ATG9B: variants seen among roughly 807,000 people sequenced by gnomAD.
ATG9B encodes the protein autophagy-related protein 9B.
ATG9B carries 92 observed loss-of-function variants against 92.9 expected under a neutral mutation model. The observed-to-expected ratio is 0.99, with a 90% CI of 0.84 to 1.18. The LOEUF is 1.18. Among genes scored for constraint, ATG9B ranks in the 50% most tolerant of loss-of-function variants. The pLI is 0.00. For synonymous variants in ATG9B, 599 were observed against 551.4 expected, an observed-to-expected ratio of 1.09 and a Z score of -1.21; for missense variants, 1,344 against 1,235.0, an observed-to-expected ratio of 1.09 and a Z score of -1.32.
intron 4 of ATG9B, 140 bp from the exon 5 acceptor site, chr7:151,021,469 A>T: frequency 8.4e-7 from 1 of 1,187,888 alleles, no homozygotes; most frequent in Non-Finnish European, 1.1e-6. Flanking sequence ...AGCCCGGGGC[A>T]GGGGGTGGGT....
downstream of ATG9B, chr7:151,014,411 C>T (rs957273758): frequency 4.0e-6 from 2 of 494,754 alleles, no homozygotes; most frequent in African/African-American, 2.0e-5. Context: ...AGCGGTACCC[C>T]AGGGCCTACT....
At chr7:151,014,976 G>A (rs1795421712), downstream of ATG9B, 2 of 152,298 alleles carry the variant, frequency 1.3e-5, no homozygotes, top group African/African-American at 4.8e-5. Context: ...GGTGGGGAAA[G>A]GGGTCATTCT....
chr7:151,023,143 G>A lies in ATG9B; in HGVS notation c.723C>T (p.Leu241=). The change falls in exon 4 of 14, where the codon CTC becomes CTT. Residue 241 remains leucine (L), a synonymous_variant. Transcript: ENST00000639579. ...FLLRCVDYNV[L]FANQPSNHTR... is the part of the protein sequence containing the mutation. ...TATGGTTACTTGGTTGGTTGGCAAA[G>A]AGAACATTGTAATCCACGCATCGAA... 6.2e-7 allele frequency: 1 copy of A among 1,614,172 alleles called. No individual in the cohort carries two copies. Among genetic ancestry groups the A allele is most frequent in the Non-Finnish European group, 8.5e-7 (1 of 1,180,040 alleles).
chr7:151,016,650 C>A (rs371008225), intron 10 of ATG9B, 38 bp downstream of exon 10: 14 of 1,549,846 alleles, frequency 9.0e-6, no homozygotes, highest in African/African-American at 1.4e-5. Context: ...AGCCCACCCC[C>A]CTCCACATGC....
rs36096005 is a variant in ATG9B at position 151,021,652 on chromosome 7, CTTTT to C, written c.822-327_822-324del. On this transcript the variant is annotated intron_variant, in intron 4 of 13. Transcript: ENST00000639579. ...CTGATGAAATGTGTGCTTGTACACT[CTTTT>C]TTTTTTTTTTTGAGATGGAGTCTTG... Among the ~76,000 whole-genome samples the C allele has an allele frequency of 2.2e-4, 31 of 142,184 alleles. No individual in the cohort carries two copies. In the South Asian group the frequency reaches 4.3e-3, roughly 20 times the overall value. The allele number at this position is 142,184 out of a possible 152,430, so 93.3% of individuals were successfully genotyped here. A position where few individuals can be genotyped will look rare whatever the true frequency, so the allele number is the denominator to read the frequency against.
chr7:151,022,788 A>G (rs1795798748), intron 4 of ATG9B, among the ~76,000 whole-genome samples: 1 of 151,690 alleles, frequency 6.6e-6, no homozygotes, highest in Non-Finnish European at 1.5e-5. Flanking sequence ...GTGAGCCAAG[A>G]CCTCACCATT....
rs770189330 is a variant in ATG9B at position 151,024,400 on chromosome 7, C to A, written c.24G>T (p.Gly8=). The A allele has an allele frequency of 1.5e-6, 2 of 1,374,422 alleles. No individual in the cohort carries two copies. The highest frequency in any genetic ancestry group is 3.0e-5 in the Admixed American group (1 of 33,770). 85.1% of individuals were successfully genotyped at this position (1,374,422 alleles called of 1,614,324 possible). ...ACCGCCCCAGCCGCCTTCTTCTCCCCCCCCAGCCCATTCGGCTCACCATCA... is the reference window on the plus strand; with the variant it reads ...ACCGCCCCAGCCGCCTTCTTCTCCCACCCCAGCCCATTCGGCTCACCATCA... MVSRMGW[G]GRRRRLGRWG... Residue 8 remains glycine, a synonymous_variant, in exon 1 of 14, where the codon GGG becomes GGT. Coordinates refer to ENST00000639579, the MANE Select transcript of ATG9B (RefSeq NM_001317056.2).
intron 5 of ATG9B, chr7:151,020,936 A>C: frequency 2.5e-6 from 1 of 392,668 alleles, no homozygotes; most frequent in Non-Finnish European, 4.6e-6. Context: ...TTTTAGCACA[A>C]ACATGTAACT....
chr7:151,012,622 G>C, downstream of ATG9B: 1 of 930,382 alleles, frequency 1.1e-6, no homozygotes, highest in Non-Finnish European at 1.6e-6. Context: ...GGGAGGGCAG[G>C]TACCAAAGGC....
At position 151,019,089 on chromosome 7, in the gene ATG9B, C is replaced by T; in HGVS notation, c.1249G>A (p.Glu417Lys). 2.6e-6 allele frequency: 4 copies of T among 1,535,964 alleles called. No individual in the cohort carries two copies. The highest frequency in any genetic ancestry group is 3.5e-6 in the Non-Finnish European group (4 of 1,146,514). Residue 417 changes from glutamate (E) to lysine (K), a missense_variant, in exon 6 of 14, where the codon GAG becomes AAG. Glu to Lys is a moderately conservative substitution (Grantham distance 56). Coordinates refer to ENST00000639579, the MANE Select transcript of ATG9B (RefSeq NM_001317056.2). ...GPFSLFRGGW[E>K]LPHAYKRSDQ... ...CTGCGCTTGTAGGCGTGCGGCAGCT[C>T]CCAGCCCCCGCGGAAGAGCGAGAAG...
At chr7:151,013,838 C>T (rs773318406), downstream of ATG9B, 1 of 1,607,078 alleles carries the variant, frequency 6.2e-7, no homozygotes. Context: ...AACCAACGTC[C>T]TGCAGACCGT....
chr7:151,014,121 A>T, downstream of ATG9B: 1 of 1,613,344 alleles, frequency 6.2e-7, no homozygotes, highest in South Asian at 1.1e-5. Flanking sequence ...TGCGGGGCGC[A>T]GTGCCCTGGG....
intron 4 of ATG9B, 77 bp from the exon 5 acceptor site, chr7:151,021,406 G>A: frequency 6.8e-7 from 1 of 1,477,566 alleles, no homozygotes; most frequent in South Asian, 1.4e-5. Context: ...CGGGAGTGAG[G>A]AAAAACCATC....
chr7:151,023,808 G>A (rs1795841192), intron 1 of ATG9B, 66 bp downstream of exon 1: 1 of 1,612,124 alleles, frequency 6.2e-7, no homozygotes, highest in South Asian at 1.1e-5. Context: ...CAGAGGCCCA[G>A]CCTGGGATAA....
At position 151,019,031 on chromosome 7, in the gene ATG9B, C is replaced by T; in HGVS notation, c.1307G>A (p.Gly436Glu). The T allele has an allele frequency of 6.5e-7, 1 of 1,546,680 alleles. No individual in the cohort carries two copies. Among genetic ancestry groups the T allele is most frequent in the Non-Finnish European group, 8.7e-7 (1 of 1,151,212 alleles). ...GGCGGCCAGCAGCAGCACTGTGCGC[C>T]CCCAGCGCGCTGCTAGGGCGCCCCG... ...DQRGALAARW[G>E]RTVLLLAALN... The change falls in exon 6 of 14, where the codon GGG becomes GAG. Residue 436 changes from glycine (G) to glutamate (E), a missense_variant. Gly to Glu is a moderately conservative substitution (Grantham distance 98, BLOSUM62 -2). Transcript: ENST00000639579.
At chr7:151,013,203 G>A (rs201976867), downstream of ATG9B, 3 of 1,600,768 alleles carry the variant, frequency 1.9e-6, no homozygotes, top group South Asian at 2.2e-5. Context: ...CCGGAGAAGA[G>A]CCTTCCCAAG....
At position 151,018,242 on chromosome 7, in the gene ATG9B, G is replaced by T. The variant is rs923780110; in HGVS notation, c.1872+52C>A. 9.3e-6 allele frequency: 14 copies of T among 1,505,546 alleles called. No individual in the cohort carries two copies. The African/African-American group carries it at 1.6e-4, about 17-fold the overall frequency. The allele number at this position is 1,505,546 out of a possible 1,614,324, so 93.3% of individuals were successfully genotyped here. A position where few individuals can be genotyped will look rare whatever the true frequency, so the allele number is the denominator to read the frequency against. ...CCCTCCGCGCAGACAGACCCTCCGC[G>T]CAGACAGACCCCACAACTTCCTCCT... On this transcript the variant is annotated intron_variant, in intron 7 of 13. Transcript: ENST00000639579. The surrounding 1 kb of genome is among the most constrained non-coding windows in gnomAD (Gnocchi z 4.7).
At chr7:151,014,405 G>A, downstream of ATG9B, 3 of 508,640 alleles carry the variant, frequency 5.9e-6, no homozygotes, top group Non-Finnish European at 1.0e-5. Flanking sequence ...CCCAGCAGCG[G>A]TACCCCAGGG....
Position 151,023,939 on chromosome 7 carries a change from G to T in ATG9B, c.485C>A (p.Ser162Tyr). The T allele has an allele frequency of 6.3e-7, 1 of 1,591,688 alleles. No individual in the cohort carries two copies. The part of the protein sequence containing the change: ...ERLEDCDPEG[S>Y]QDSPIHGEEQ... ...CTCCCCGTGGATGGGTGAGTCTTGGGACCCCTCAGGGTCACAGTCCTCCAG... is the reference window on the plus strand; with the variant it reads ...CTCCCCGTGGATGGGTGAGTCTTGGTACCCCTCAGGGTCACAGTCCTCCAG... The change falls in exon 1 of 14, where the codon TCC (serine) becomes TAC (tyrosine). Residue 162 changes from serine to tyrosine, a missense_variant. Physicochemically the swap from Ser to Tyr is moderately radical, Grantham distance 144. Coordinates refer to ENST00000639579, the MANE Select transcript of ATG9B (RefSeq NM_001317056.2).
Sources: allele counts gnomAD v4.1 joint callset (sites outside exome capture counted in the v4.1 genomes callset), GRCh38; gene constraint gnomAD v4.1.1; non-coding constraint Gnocchi (gnomAD v3.1); transcripts MANE v1.5; gene names NCBI Gene and HGNC (gene_info 2026-07-23, HGNC 2026-07-21).